Variants in PCDH7 observed in about 807,000 individuals in gnomAD.
PCDH7 encodes protocadherin 7.
PCDH7 carries 17 observed loss-of-function variants against 58.9 expected under a neutral mutation model. The observed-to-expected ratio is 0.29, with a 90% CI of 0.20 to 0.43. The LOEUF is 0.43. Among genes scored for constraint, PCDH7 ranks in the 20% least tolerant of loss-of-function variants. PCDH7 has a pLI of 1.00. For missense variants in PCDH7, 1,274 were observed against 1,441.0 expected, an observed-to-expected ratio of 0.88 and a Z score of 1.88; for synonymous variants, 664 against 616.4, an observed-to-expected ratio of 1.08 and a Z score of -1.14.
chr4:31,099,828 G>A (rs553099213), intron 3 of PCDH7, among the ~76,000 whole-genome samples: 3 of 151,994 alleles, frequency 2.0e-5, no homozygotes, highest in Non-Finnish European at 4.4e-5. Context: ...AAGATTTGAC[G>A]CGTGTCTTCA....
intron 2 of PCDH7, among the ~76,000 whole-genome samples, chr4:30,940,518 TA>T (rs1745900727): frequency 6.6e-6 from 1 of 152,050 alleles, no homozygotes; most frequent in African/African-American, 2.4e-5. Flanking sequence ...GCATTATGTA[TA>T]AATAGAGTAC....
intron 1 of PCDH7, among the ~76,000 whole-genome samples, chr4:30,824,159 C>A (rs1157320018): frequency 1.3e-5 from 1 of 78,184 alleles, no homozygotes; most frequent in Non-Finnish European, 2.6e-5. Context: ...TTCTTTCTTT[C>A]TTTTTGCTTC....
chr4:30,975,143 TTGTGTGTGTGTGTGTGTGTG>T (rs35675648), intron 3 of PCDH7, among the ~76,000 whole-genome samples: 2 of 138,764 alleles, frequency 1.4e-5, no homozygotes, highest in Admixed American at 1.5e-4. Flanking sequence ...TTCCCTTTCA[TTGTGTGTGTGTGTGTGTGTG>T]TGTGTGTGTG....
chr4:30,951,557 C>T (rs932205349), intron 3 of PCDH7, among the ~76,000 whole-genome samples: 9 of 152,118 alleles, frequency 5.9e-5, no homozygotes, highest in African/African-American at 2.2e-4. Context: ...GGTTAGGTCC[C>T]TCCGTCTGGA....
intron 3 of PCDH7, among the ~76,000 whole-genome samples, chr4:30,993,312 T>A (rs567601244): frequency 6.6e-6 from 1 of 152,298 alleles, no homozygotes; most frequent in East Asian, 1.9e-4. Context: ...TGAAGTAAAT[T>A]GAAGAAATAA....
At chr4:31,039,887 T>C (rs1263207879) in intron 3 of PCDH7, among the ~76,000 whole-genome samples, 1 of 152,054 alleles carries the variant, frequency 6.6e-6, no homozygotes, top group Non-Finnish European at 1.5e-5. Context: ...ACCAAGCCAA[T>C]AGACAGAACT....
chr4:30,956,912 A>T (rs1210799524), intron 3 of PCDH7, among the ~76,000 whole-genome samples: 1 of 152,224 alleles, frequency 6.6e-6, no homozygotes, highest in Non-Finnish European at 1.5e-5. Flanking sequence ...TAGAAGAAAC[A>T]GAAAAACACT....
intron 3 of PCDH7, among the ~76,000 whole-genome samples, chr4:30,996,098 CTTCT>C (rs1214196835): frequency 3.3e-5 from 5 of 152,236 alleles, no homozygotes; most frequent in African/African-American, 4.8e-5. Flanking sequence ...ATCCATGTGT[CTTCT>C]TTCTATCTCT....
intron 3 of PCDH7, among the ~76,000 whole-genome samples, chr4:30,980,818 C>T (rs953014069): frequency 2.0e-5 from 3 of 151,890 alleles, no homozygotes; most frequent in Non-Finnish European, 4.4e-5. Flanking sequence ...TTGAATTTAC[C>T]TATGAATCTC....
At chr4:30,939,995 C>A (rs1745828098) in intron 2 of PCDH7, among the ~76,000 whole-genome samples, 2 of 150,908 alleles carry the variant, frequency 1.3e-5, no homozygotes, top group African/African-American at 4.9e-5. Flanking sequence ...TAACTGGATT[C>A]ACATTAGAGG....
At chr4:31,083,048 C>T (rs1350161621) in intron 3 of PCDH7, among the ~76,000 whole-genome samples, 2 of 152,124 alleles carry the variant, frequency 1.3e-5, no homozygotes, top group African/African-American at 4.8e-5. Flanking sequence ...GTGGAGCTTG[C>T]AATGAGCGGA....
In PCDH7 at chr4:30,796,857, A is replaced by T. The variant is rs575854661; in HGVS notation, c.70+72261A>T. 5.4e-4 allele frequency among the ~76,000 whole-genome samples: 82 copies of T among 152,248 alleles called. 2 individuals carry two copies. The highest frequency in any genetic ancestry group is 6.8e-3 in the Middle Eastern group (2 of 292). On this transcript the variant is annotated intron_variant, in intron 1 of 3. Coordinates refer to the PCDH7 transcript ENST00000509759. Reference sequence around the variant, plus strand: ...TCCCTGCTAGCTTATCCTAATCCTTACTGTTATCTCTTCTGCAATTCTCTT... The same window carrying T: ...TCCCTGCTAGCTTATCCTAATCCTTTCTGTTATCTCTTCTGCAATTCTCTT...
chr4:31,006,679 G>A (rs573494327), intron 3 of PCDH7, among the ~76,000 whole-genome samples: 15 of 151,982 alleles, frequency 9.9e-5, no homozygotes, highest in Non-Finnish European at 1.6e-4. Context: ...GATTACCTGA[G>A]GTCAGGAGTT....
chr4:31,027,326 C>A lies in PCDH7; in HGVS notation c.*7+77111C>A, dbSNP rs1754515887. Among the ~76,000 whole-genome samples the A allele has an allele frequency of 2.0e-5, 3 of 152,280 alleles. No individual in the cohort carries two copies. The South Asian group carries it at 6.2e-4, about 32-fold the overall frequency. ...CCTTAGTTGTTTGCTTGATACAGAACCCTTCACTATTCTTTATAATATTCT... is the reference window on the plus strand; with the variant it reads ...CCTTAGTTGTTTGCTTGATACAGAAACCTTCACTATTCTTTATAATATTCT... On this transcript the variant is annotated intron_variant, in intron 3 of 3. Transcript: ENST00000509759.
At chr4:30,990,257 A>G (rs1270309374) in intron 3 of PCDH7, among the ~76,000 whole-genome samples, 1 of 152,058 alleles carries the variant, frequency 6.6e-6, no homozygotes, top group African/African-American at 2.4e-5. Flanking sequence ...CAATGTGCAT[A>G]TATCTGTCTA....
At chr4:30,928,545 A>G (rs1194039749) in intron 2 of PCDH7, among the ~76,000 whole-genome samples, 1 of 152,208 alleles carries the variant, frequency 6.6e-6, no homozygotes, top group African/African-American at 2.4e-5. Context: ...GGAAGTTTTT[A>G]TGCTCAAGAG....
intron 3 of PCDH7, among the ~76,000 whole-genome samples, chr4:31,007,484 C>T (rs1752861465): frequency 6.6e-6 from 1 of 152,048 alleles, no homozygotes; most frequent in Non-Finnish European, 1.5e-5. Context: ...ATACATTATA[C>T]AATTTTAGTA....
chr4:31,051,567 G>A (rs1185728691), intron 3 of PCDH7, among the ~76,000 whole-genome samples: 1 of 151,800 alleles, frequency 6.6e-6, no homozygotes. Flanking sequence ...TTATATTACA[G>A]CTTGATTCTA....
At chr4:30,746,309 G>T in intron 1 of PCDH7, among the ~76,000 whole-genome samples, 1 of 152,126 alleles carries the variant, frequency 6.6e-6, no homozygotes. Context: ...CACCCTCAGT[G>T]TAAAAGATAG....
Sources: gnomAD v4.1 joint callset for allele counts (sites outside exome capture counted in the v4.1 genomes callset) on GRCh38, gnomAD v4.1.1 for gene constraint, MANE v1.5 for transcripts, NCBI Gene and HGNC (gene_info 2026-07-23, HGNC 2026-07-21) for gene names.